Variants in RTF2 observed in about 807,000 individuals in gnomAD.
RTF2 encodes replication termination factor 2, also known as UPF0549 protein C20orf43.
RTF2 carries 18 observed loss-of-function variants against 38.0 expected under a neutral mutation model. The ratio of observed to expected loss-of-function variants is 0.47; its 90% CI spans 0.33 to 0.70. RTF2 has a LOEUF of 0.70. Among genes scored for constraint, RTF2 ranks in the 30% least tolerant of loss-of-function variants. RTF2 has a pLI of 0.02. For synonymous variants in RTF2, 126 were observed against 137.1 expected, an observed-to-expected ratio of 0.92 and a Z score of 0.57; for missense variants, 311 against 379.6, an observed-to-expected ratio of 0.82 and a Z score of 1.50.
chr20:56,509,869 G>A (rs1245602511), intron 5 of RTF2, among the ~76,000 whole-genome samples: 3 of 152,010 alleles, frequency 2.0e-5, no homozygotes, highest in African/African-American at 7.2e-5. Context: ...TCTGAAAGTG[G>A]AAACAACTCT....
At chr20:56,486,726 A>G (rs1323895258) in intron 5 of RTF2, among the ~76,000 whole-genome samples, 1 of 152,258 alleles carries the variant, frequency 6.6e-6, no homozygotes, top group African/African-American at 2.4e-5. Flanking sequence ...TTAAATAAAA[A>G]TATTAAGATA....
rs553173722 is a variant in RTF2 at position 56,480,310 on chromosome 20, ACCTCTTCCTCTGC to A, written c.398+3187_398+3199del. Among the ~76,000 whole-genome samples, 320 of 152,248 alleles carry A rather than the reference ACCTCTTCCTCTGC, an allele frequency of 2.1e-3. 1 individual carries two copies. Among genetic ancestry groups the A allele is most frequent in the African/African-American group, 7.4e-3 (309 of 41,526 alleles). On this transcript the variant is annotated intron_variant, in intron 4 of 8. Coordinates refer to ENST00000357348, the MANE Select transcript of RTF2 (RefSeq NM_016407.5). ...CATGAACCAACTTCTTCCAGTTTCC[ACCTCTTCCTCTGC>A]AGCTTTCTTGCCTCTGTCAGCCTTC...
intron 5 of RTF2, among the ~76,000 whole-genome samples, chr20:56,494,849 C>T (rs1345404251): frequency 2.0e-5 from 3 of 152,192 alleles, no homozygotes; most frequent in Admixed American, 2.0e-4. Flanking sequence ...CCCAAGGTCT[C>T]TACCCAAAAT....
chr20:56,502,359 C>A (rs1983978507), intron 5 of RTF2, among the ~76,000 whole-genome samples: 1 of 152,158 alleles, frequency 6.6e-6, no homozygotes. Flanking sequence ...TGCCTGTGTT[C>A]TTTTTTTCTT....
Position 56,497,452 on chromosome 20 carries a change from A to G in RTF2, c.477+13263A>G, listed in dbSNP as rs142244320. The G allele has an allele frequency of 1.1e-4, 174 of 1,531,170 alleles. No homozygotes were observed. In the East Asian group the frequency reaches 4.4e-3, roughly 39 times the overall value. The allele number at this position is 1,531,170 out of a possible 1,614,324, so 94.8% of individuals were successfully genotyped here. On this transcript the variant is annotated intron_variant, in intron 5 of 8. Coordinates refer to ENST00000357348, the MANE Select transcript of RTF2 (RefSeq NM_016407.5). ...CCTTTCCCTTCAAATAAAGCGGAACACAGTTCATCTGGGTAAAAGCCACAT... is the reference window on the plus strand; with the variant it reads ...CCTTTCCCTTCAAATAAAGCGGAACGCAGTTCATCTGGGTAAAAGCCACAT...
intron 4 of RTF2, among the ~76,000 whole-genome samples, chr20:56,483,156 C>T (rs1982611488): frequency 6.6e-6 from 1 of 152,132 alleles, no homozygotes; most frequent in Non-Finnish European, 1.5e-5. Context: ...CTATACTACA[C>T]AACTTCCTGA....
rs143101555 is a variant in RTF2, at chr20:56,502,475, G to A, written c.478-10840G>A. Among the ~76,000 whole-genome samples, 440 of 152,278 alleles carry A rather than the reference G, an allele frequency of 2.9e-3. 2 individuals are homozygous for A. Among genetic ancestry groups the A allele is most frequent in the African/African-American group, 1.0e-2 (415 of 41,564 alleles). On this transcript the variant is annotated intron_variant, in intron 5 of 8. Coordinates refer to ENST00000357348, the MANE Select transcript of RTF2 (RefSeq NM_016407.5). ...TATCGCATTACCTCCAGAACAGTTC[G>A]TTGAAGGATATAGTCTTTGAGAATT...
chr20:56,472,651 A>T (rs1483146502), intron 1 of RTF2, among the ~76,000 whole-genome samples: 3 of 152,078 alleles, frequency 2.0e-5, no homozygotes, highest in Non-Finnish European at 4.4e-5. Flanking sequence ...TCCCATTGTT[A>T]GAAATTAATC....
At chr20:56,488,110 C>G (rs1284604219) in intron 5 of RTF2, among the ~76,000 whole-genome samples, 1 of 152,162 alleles carries the variant, frequency 6.6e-6, no homozygotes, top group Non-Finnish European at 1.5e-5. Context: ...CCTGTAATCT[C>G]AACACTTTGG....
Position 56,477,027 on chromosome 20 carries a change from G to C in RTF2, c.301G>C (p.Gly101Arg). Residue 101 changes from glycine (G) to arginine (R), a missense_variant, in exon 4 of 9, where the codon GGG (glycine) becomes CGG (arginine). Physicochemically the swap from Gly to Arg is moderately radical, Grantham distance 125. Transcript: ENST00000357348. The part of the protein sequence containing the change: ...LKLSDNPAWE[G>R]DKGNTKGDKH... ...GCTTTCTGATAATCCTGCCTGGGAA[G>C]GGGATAAAGGAAACACTAAAGGTGA... The C allele has an allele frequency of 6.2e-7, 1 of 1,614,112 alleles. No homozygotes were observed. Among genetic ancestry groups the C allele is most frequent in the East Asian group, 2.2e-5 (1 of 44,884 alleles).
intron 3 of RTF2, among the ~76,000 whole-genome samples, chr20:56,476,252 A>T (rs75913856): frequency 0.033 from 5,001 of 151,956 alleles, 356 homozygotes; most frequent in East Asian, 0.29. Flanking sequence ...TTATATATAT[A>T]TTTTTTTGTT....
intron 5 of RTF2, among the ~76,000 whole-genome samples, chr20:56,488,310 A>G (rs1982900850): frequency 6.6e-6 from 1 of 152,070 alleles, no homozygotes; most frequent in Non-Finnish European, 1.5e-5. Context: ...GCAGTGAGCC[A>G]AGATCACGCC....
chr20:56,518,122 C>G lies in RTF2; in HGVS notation c.778C>G (p.Pro260Ala). The G allele has an allele frequency of 6.2e-7, 1 of 1,613,730 alleles. No homozygotes were observed. The highest frequency in any genetic ancestry group is 8.5e-7 in the Non-Finnish European group (1 of 1,179,852). The change falls in exon 9 of 9, where the codon CCT (proline) becomes GCT (alanine). Residue 260 changes from proline to alanine, a missense_variant. Coordinates refer to ENST00000357348, the MANE Select transcript of RTF2 (RefSeq NM_016407.5). ...NESSSGKAGK[P>A]PCGATKRSIA... Reference sequence around the variant, plus strand: ...GAGCTCTTCTGGAAAAGCTGGGAAGCCTCCGTGTGGAGCCACAAAGAGGTC... The same window carrying G: ...GAGCTCTTCTGGAAAAGCTGGGAAGGCTCCGTGTGGAGCCACAAAGAGGTC...
intron 5 of RTF2, among the ~76,000 whole-genome samples, chr20:56,507,008 A>AT (rs200589109): frequency 0.013 from 1,984 of 152,192 alleles, 55 homozygotes; most frequent in African/African-American, 0.045. Context: ...CCGTATTATG[A>AT]TTTTTTTAAC....
At chr20:56,497,607 A>G (rs1983639629) in intron 5 of RTF2, 3 of 1,306,504 alleles carry the variant, frequency 2.3e-6, no homozygotes, top group Non-Finnish European at 2.0e-6. Context: ...AAGCTGGCTC[A>G]TATCTTGAGC....
intron 5 of RTF2, among the ~76,000 whole-genome samples, chr20:56,500,624 G>A (rs1443256414): frequency 1.3e-5 from 2 of 152,126 alleles, no homozygotes; most frequent in Non-Finnish European, 2.9e-5. Context: ...ACCTGCTGTG[G>A]CCTTCTACCT....
At chr20:56,490,812 C>T (rs751515793) in intron 5 of RTF2, among the ~76,000 whole-genome samples, 15 of 151,996 alleles carry the variant, frequency 9.9e-5, no homozygotes, top group Non-Finnish European at 2.1e-4. Flanking sequence ...AGTAAAACTC[C>T]GTCTCAAATA....
chr20:56,509,972 T>C (rs1343346490), intron 5 of RTF2, among the ~76,000 whole-genome samples: 1 of 151,424 alleles, frequency 6.6e-6, no homozygotes, highest in East Asian at 2.0e-4. Context: ...TAAAACATTA[T>C]GCTAAAATCC....
chr20:56,484,282 T>C (rs1982672795), intron 5 of RTF2, 93 bp downstream of exon 5: 1 of 1,091,738 alleles, frequency 9.2e-7, no homozygotes, highest in Admixed American at 1.8e-5. Context: ...CTTTCTGAAA[T>C]CAGCTCTCAT....
Sources: gnomAD v4.1 joint callset for allele counts (sites outside exome capture counted in the v4.1 genomes callset) on GRCh38, gnomAD v4.1.1 for gene constraint, MANE v1.5 for transcripts, NCBI Gene and HGNC (gene_info 2026-07-23, HGNC 2026-07-21) for gene names.